The following SNTB2 variants were observed in gnomAD, a reference collection of about 807,000 sequenced individuals.
The protein encoded by SNTB2 is syntrophin beta 2, also known as beta-2-syntrophin.
SNTB2 carries 34 observed loss-of-function variants against 46.2 expected under a neutral mutation model. That is an observed-to-expected ratio of 0.74 (90% CI 0.56 to 0.98). The LOEUF (loss-of-function observed/expected upper bound fraction) is 0.98. SNTB2 is among the 50% of genes least tolerant of loss of function. SNTB2 has a pLI of 0.00. For synonymous variants in SNTB2, 290 were observed against 312.6 expected, an observed-to-expected ratio of 0.93 and a Z score of 0.76; for missense variants, 603 against 731.4, an observed-to-expected ratio of 0.82 and a Z score of 2.02.
chr16:69,297,054 C>T, intron 5 of SNTB2, among the ~76,000 whole-genome samples: 1 of 151,244 alleles, frequency 6.6e-6, no homozygotes, highest in Admixed American at 6.6e-5. Context: ...CCTGTAATCC[C>T]AGCACTTTGG....
At chr16:69,258,385 A>G (rs958343911) in intron 2 of SNTB2, among the ~76,000 whole-genome samples, 1 of 152,230 alleles carries the variant, frequency 6.6e-6, no homozygotes, top group Admixed American at 6.5e-5. Context: ...TGCTTTATAA[A>G]TAATTTTTTC....
chr16:69,248,869 C>CTTT (rs557681788), intron 2 of SNTB2, among the ~76,000 whole-genome samples: 1 of 118,828 alleles, frequency 8.4e-6, no homozygotes. Flanking sequence ...TAATCATGGG[C>CTTT]TTTTTTTTTT....
At chr16:69,261,388 T>A (rs1964833481) in intron 3 of SNTB2, among the ~76,000 whole-genome samples, 1 of 151,850 alleles carries the variant, frequency 6.6e-6, no homozygotes. Flanking sequence ...GGTAGGTCTG[T>A]GGGTGGTGCC....
rs1435596928 is a variant in SNTB2 at position 69,304,445 on chromosome 16, T to C, written c.*3521T>C. 6.5e-6 allele frequency: 1 copy of C among 152,676 alleles called. No homozygotes were observed. Among genetic ancestry groups the C allele is most frequent in the African/African-American group, 2.4e-5 (1 of 41,470 alleles). The allele number at this position is 152,676 out of a possible 1,614,324, so 9.5% of individuals were successfully genotyped here. Reference sequence around the variant, plus strand: ...TCTGATAGTGCCTGTTTTTATGTTCTGTACTCTCACAAACTTTGTTACTCA... The same window carrying C: ...TCTGATAGTGCCTGTTTTTATGTTCCGTACTCTCACAAACTTTGTTACTCA... On this transcript the variant is annotated 3_prime_UTR_variant, in exon 7 of 7. Transcript: ENST00000336278.
intron 2 of SNTB2, among the ~76,000 whole-genome samples, chr16:69,246,994 T>G (rs1307560624): frequency 6.7e-6 from 1 of 150,274 alleles, no homozygotes; most frequent in Non-Finnish European, 1.5e-5. Context: ...CACATGTATA[T>G]ATATGTAACT....
intron 1 of SNTB2, 27 bp downstream of exon 1, chr16:69,187,773 G>GGGGGGGGGGGGGGGGGGGGGGGGCC: frequency 6.0e-6 from 2 of 331,856 alleles, no homozygotes; most frequent in Non-Finnish European, 1.1e-5. Flanking sequence ...GGGAGGGTGG[G>GGGGGGGGGGGGGGGGGGGGGGGGCC]CAGGCCGCGG....
intron 4 of SNTB2, among the ~76,000 whole-genome samples, chr16:69,278,319 A>T (rs1348158981): frequency 1.3e-5 from 2 of 152,166 alleles, no homozygotes; most frequent in Non-Finnish European, 2.9e-5. Context: ...CTGTCTCAAA[A>T]TGAAAATTAA....
intron 2 of SNTB2, among the ~76,000 whole-genome samples, chr16:69,258,633 AG>A: frequency 9.6e-6 from 1 of 104,026 alleles, no homozygotes; most frequent in Non-Finnish European, 1.8e-5. Flanking sequence ...TTTTTTTGAG[AG>A]GGAGTCTCGC....
At chr16:69,221,022 C>T (rs1036909903) in intron 1 of SNTB2, among the ~76,000 whole-genome samples, 10 of 152,112 alleles carry the variant, frequency 6.6e-5, no homozygotes, top group Non-Finnish European at 2.9e-5. Flanking sequence ...TCCAGATTGT[C>T]ATATATGTGG....
chr16:69,280,808 T>A (rs1177136897), intron 4 of SNTB2, among the ~76,000 whole-genome samples: 1 of 152,070 alleles, frequency 6.6e-6, no homozygotes, highest in African/African-American at 2.4e-5. Flanking sequence ...CTCTCTTTTT[T>A]TTTTTTTGAG....
intron 1 of SNTB2, among the ~76,000 whole-genome samples, chr16:69,206,286 C>G (rs1008712789): frequency 1.3e-5 from 2 of 152,174 alleles, no homozygotes; most frequent in Admixed American, 6.5e-5. Flanking sequence ...AGGCATGAGT[C>G]ACTGTTCCCT....
chr16:69,257,390 T>G (rs1381705575), intron 2 of SNTB2, among the ~76,000 whole-genome samples: 2 of 151,796 alleles, frequency 1.3e-5, no homozygotes, highest in Non-Finnish European at 2.9e-5. Flanking sequence ...GGACTTTTCT[T>G]AAGCCCTTTG....
At chr16:69,227,051 C>A (rs1017219760) in intron 1 of SNTB2, among the ~76,000 whole-genome samples, 1 of 152,186 alleles carries the variant, frequency 6.6e-6, no homozygotes, top group African/African-American at 2.4e-5. Context: ...CAAATATTCA[C>A]AAGCACATAG....
At chr16:69,284,461 A>G (rs1340299728) in intron 5 of SNTB2, among the ~76,000 whole-genome samples, 3 of 13,980 alleles carry the variant, frequency 2.1e-4, no homozygotes, top group Non-Finnish European at 2.6e-4. Flanking sequence ...GTCTTTACTA[A>G]AAAAAAAAAA....
intron 5 of SNTB2, among the ~76,000 whole-genome samples, chr16:69,290,685 G>A (rs1965151800): frequency 6.6e-6 from 1 of 152,116 alleles, no homozygotes; most frequent in South Asian, 2.1e-4. Context: ...CAAGTAGGAA[G>A]GACAGAAACC....
chr16:69,284,876 C>T (rs1345711674), intron 5 of SNTB2, among the ~76,000 whole-genome samples: 1 of 151,924 alleles, frequency 6.6e-6, no homozygotes, highest in Non-Finnish European at 1.5e-5. Flanking sequence ...CCACTGCACT[C>T]CAGCCTGGGC....
At chr16:69,233,606 C>T (rs538477028) in intron 1 of SNTB2, among the ~76,000 whole-genome samples, 1 of 152,110 alleles carries the variant, frequency 6.6e-6, no homozygotes, top group East Asian at 1.9e-4. Flanking sequence ...CAGTACTTAC[C>T]ATGATGCTTA....
At chr16:69,226,132 C>T (rs1265357370) in intron 1 of SNTB2, among the ~76,000 whole-genome samples, 9 of 151,358 alleles carry the variant, frequency 5.9e-5, no homozygotes, top group Non-Finnish European at 1.0e-4. Flanking sequence ...AGTGCTATGG[C>T]GTGATCTCGG....
intron 1 of SNTB2, among the ~76,000 whole-genome samples, chr16:69,221,775 C>CA (rs916433766): frequency 6.6e-6 from 1 of 151,950 alleles, no homozygotes; most frequent in Non-Finnish European, 1.5e-5. Context: ...GACTCTCTCT[C>CA]AAAAAAAGGA....
Sources: gnomAD v4.1 joint callset for allele counts (sites outside exome capture counted in the v4.1 genomes callset) on GRCh38, gnomAD v4.1.1 for gene constraint, MANE v1.5 for transcripts, NCBI Gene and HGNC (gene_info 2026-07-23, HGNC 2026-07-21) for gene names.